The following DPP10 variants were observed in gnomAD, a reference collection of about 807,000 sequenced individuals.
The protein encoded by DPP10 is dipeptidyl peptidase like 10.
A neutral mutation model predicts 120.9 loss-of-function variants in DPP10; 33 were observed. The observed-to-expected ratio is 0.27, with a 90% CI of 0.21 to 0.37. The LOEUF (loss-of-function observed/expected upper bound fraction) is 0.37, where lower values mean the gene tolerates loss of function less well. DPP10 is among the 10% of genes least tolerant of loss of function. DPP10 has a pLI of 1.00. For synonymous variants in DPP10, 337 were observed against 326.1 expected (o/e 1.03, Z -0.36); for missense variants, 816 against 942.8 (o/e 0.87, Z 1.76).
intron 3 of DPP10, among the ~76,000 whole-genome samples, chr2:115,455,718 A>T (rs1373260264): frequency 6.6e-6 from 1 of 152,206 alleles, no homozygotes; most frequent in Non-Finnish European, 1.5e-5. Flanking sequence ...CAATGGGGAA[A>T]GAATTCCCTA....
At chr2:114,508,518 T>C (rs1225358911) in intron 1 of DPP10, among the ~76,000 whole-genome samples, 1 of 152,192 alleles carries the variant, frequency 6.6e-6, no homozygotes, top group African/African-American at 2.4e-5. Flanking sequence ...TTGTTTTAAT[T>C]TTTGGCTTTA....
chr2:115,247,126 A>G (rs1013153837), intron 1 of DPP10, among the ~76,000 whole-genome samples: 4 of 152,174 alleles, frequency 2.6e-5, no homozygotes, highest in Non-Finnish European at 5.9e-5. Context: ...AGAGGAAGAC[A>G]TTTTTGTATT....
intron 5 of DPP10, among the ~76,000 whole-genome samples, chr2:115,537,547 C>T (rs1324095337): frequency 7.0e-6 from 1 of 142,438 alleles, no homozygotes; most frequent in African/African-American, 2.6e-5. Flanking sequence ...CCTGACTTTA[C>T]TTGAGACACA....
chr2:114,502,675 A>G (rs755041937), intron 1 of DPP10, among the ~76,000 whole-genome samples: 3 of 152,154 alleles, frequency 2.0e-5, no homozygotes, highest in Non-Finnish European at 2.9e-5. Flanking sequence ...GCATACTCCA[A>G]TCGAAATATC....
intron 1 of DPP10, among the ~76,000 whole-genome samples, chr2:114,578,208 G>A (rs1573703818): frequency 6.6e-6 from 1 of 152,156 alleles, no homozygotes; most frequent in Non-Finnish European, 1.5e-5. Context: ...TGGCTCTGGT[G>A]TTGAAGAATC....
At chr2:114,493,469 G>A (rs1459122411) in intron 1 of DPP10, among the ~76,000 whole-genome samples, 1 of 152,114 alleles carries the variant, frequency 6.6e-6, no homozygotes, top group Non-Finnish European at 1.5e-5. Flanking sequence ...TTTAATGCTG[G>A]TAGGAACCGG....
intron 1 of DPP10, among the ~76,000 whole-genome samples, chr2:114,961,873 G>C (rs1245510816): frequency 2.0e-5 from 3 of 152,038 alleles, no homozygotes; most frequent in Non-Finnish European, 4.4e-5. Context: ...AGAATTGTTT[G>C]AACCCGGGAA....
chr2:115,332,153 G>A (rs1221073297), intron 2 of DPP10, among the ~76,000 whole-genome samples: 2 of 152,104 alleles, frequency 1.3e-5, no homozygotes, highest in African/African-American at 4.8e-5. Flanking sequence ...TTAGTCTTGG[G>A]AGGGTGTGTG....
chr2:115,169,759 C>G (rs181743444), intron 1 of DPP10, among the ~76,000 whole-genome samples: 2 of 152,158 alleles, frequency 1.3e-5, no homozygotes, highest in Non-Finnish European at 2.9e-5. Flanking sequence ...TGGGAATGTT[C>G]TCCAGCCAAG....
At chr2:115,274,693 C>T (rs1339314473) in intron 1 of DPP10, among the ~76,000 whole-genome samples, 2 of 152,146 alleles carry the variant, frequency 1.3e-5, no homozygotes, top group African/African-American at 4.8e-5. Flanking sequence ...ATGAGAAAGT[C>T]AGAAACTCAG....
intron 1 of DPP10, among the ~76,000 whole-genome samples, chr2:114,538,442 C>T (rs1248106842): frequency 6.6e-6 from 1 of 152,132 alleles, no homozygotes; most frequent in Non-Finnish European, 1.5e-5. Context: ...ACCTAAAGTC[C>T]AGGGAACCAG....
At chr2:115,035,643 C>T (rs552997330) in intron 1 of DPP10, among the ~76,000 whole-genome samples, 2 of 152,296 alleles carry the variant, frequency 1.3e-5, no homozygotes, top group East Asian at 1.9e-4. Context: ...TAACCCACTT[C>T]ATTCCTCACA....
chr2:115,306,174 C>T (rs1035412193), intron 1 of DPP10, among the ~76,000 whole-genome samples: 5 of 152,000 alleles, frequency 3.3e-5, no homozygotes, highest in Non-Finnish European at 5.9e-5. Context: ...TTCAAACTTA[C>T]TGGTACAGTG....
At chr2:114,534,054 G>A (rs1412293489) in intron 1 of DPP10, among the ~76,000 whole-genome samples, 1 of 152,020 alleles carries the variant, frequency 6.6e-6, no homozygotes, top group Non-Finnish European at 1.5e-5. Context: ...CTACTTTACA[G>A]TATATTCTCT....
chr2:114,588,825 G>A (rs1231555976), intron 1 of DPP10, among the ~76,000 whole-genome samples: 1 of 152,080 alleles, frequency 6.6e-6, no homozygotes, highest in African/African-American at 2.4e-5. Context: ...TAACCATCTG[G>A]CTGAGAACAG....
At chr2:115,293,007 C>T (rs930364365) in intron 1 of DPP10, among the ~76,000 whole-genome samples, 1 of 152,070 alleles carries the variant, frequency 6.6e-6, no homozygotes, top group Non-Finnish European at 1.5e-5. Flanking sequence ...GGTATGAGCC[C>T]TGGCACTCAG....
At chr2:115,451,065 A>G (rs1009006033) in intron 3 of DPP10, among the ~76,000 whole-genome samples, 2 of 151,864 alleles carry the variant, frequency 1.3e-5, no homozygotes, top group African/African-American at 4.8e-5. Context: ...AAAGCACAAG[A>G]TAGGGATTTC....
intron 1 of DPP10, among the ~76,000 whole-genome samples, chr2:114,983,458 T>C (rs1414860572): frequency 6.6e-6 from 1 of 152,224 alleles, no homozygotes; most frequent in African/African-American, 2.4e-5. Context: ...GACATTCTTA[T>C]TGAAATATAG....
At chr2:115,430,151 G>A (rs1010496824) in intron 3 of DPP10, among the ~76,000 whole-genome samples, 11 of 152,124 alleles carry the variant, frequency 7.2e-5, no homozygotes, top group Non-Finnish European at 1.6e-4. Flanking sequence ...ACCGATTTAA[G>A]ATTTTTTAAT....
Sources: gnomAD v4.1 joint callset for allele counts (sites outside exome capture counted in the v4.1 genomes callset) on GRCh38, gnomAD v4.1.1 for gene constraint, MANE v1.5 for transcripts, NCBI Gene and HGNC (gene_info 2026-07-23, HGNC 2026-07-21) for gene names.